The following PCDHA2 variants were observed in gnomAD, a reference collection of about 807,000 sequenced individuals.
PCDHA2 encodes the protein protocadherin alpha-2.
In PCDHA2, 58 loss-of-function variants were observed where a neutral mutation model predicts 66.0. That is an observed-to-expected ratio of 0.88 (90% CI 0.71 to 1.09). The LOEUF (loss-of-function observed/expected upper bound fraction) is 1.09, where lower values mean the gene tolerates loss of function less well. Among genes scored for constraint, PCDHA2 ranks in the 50% least tolerant of loss-of-function variants. The pLI, the probability that PCDHA2 is intolerant of heterozygous loss-of-function variation, is 0.00. For missense variants in PCDHA2, 1,267 were observed against 1,242.3 expected, an observed-to-expected ratio of 1.02 and a Z score of -0.30; for synonymous variants, 634 against 554.0, an observed-to-expected ratio of 1.14 and a Z score of -2.03.
At chr5:140,806,997 C>A in intron 1 of PCDHA2, 1 of 702,856 alleles carries the variant, frequency 1.4e-6, no homozygotes, top group Non-Finnish European at 2.3e-6. Context: ...CATGATGTCG[C>A]TCTTTACCAC....
intron 1 of PCDHA2, among the ~76,000 whole-genome samples, chr5:140,975,638 C>T (rs1256768090): frequency 6.6e-6 from 1 of 152,130 alleles, no homozygotes; most frequent in Non-Finnish European, 1.5e-5. Context: ...ACGAAGATAG[C>T]ATATTATTTC....
At position 140,796,793 on chromosome 5, in the gene PCDHA2, A is replaced by G; in HGVS notation, c.1829A>G (p.Glu610Gly). 1 of 1,614,078 alleles carries G rather than the reference A, an allele frequency of 6.2e-7. No homozygotes were observed. Among genetic ancestry groups the G allele is most frequent in the South Asian group, 1.1e-5 (1 of 91,084 alleles). The change falls in exon 1 of 4, where the codon GAG becomes GGG. Residue 610 changes from glutamate to glycine, a missense_variant. Physicochemically the swap from Glu to Gly is moderately conservative, Grantham distance 98. Coordinates refer to ENST00000526136, the MANE Select transcript of PCDHA2 (RefSeq NM_018905.3). ...GGCTACAACGCGTGGCTTTCGTACG[A>G]GCTTCAGCTGGGTACTGGCAGCGCT... The part of the protein sequence containing the change: ...DSGYNAWLSY[E>G]LQLGTGSARI...
intron 1 of PCDHA2, among the ~76,000 whole-genome samples, chr5:140,855,385 G>C (rs2043451354): frequency 6.7e-6 from 1 of 149,884 alleles, no homozygotes; most frequent in Non-Finnish European, 1.5e-5. Context: ...AATCTAAATG[G>C]AGAAATGTCT....
chr5:140,844,854 T>C (rs1315515801), intron 1 of PCDHA2, among the ~76,000 whole-genome samples: 10 of 149,524 alleles, frequency 6.7e-5, no homozygotes, highest in African/African-American at 2.4e-4. Context: ...CTGTTGGACC[T>C]GCCTGGATAT....
intron 1 of PCDHA2, among the ~76,000 whole-genome samples, chr5:140,976,713 T>TA (rs1554237898): frequency 6.6e-6 from 1 of 152,216 alleles, no homozygotes; most frequent in Admixed American, 6.5e-5. Flanking sequence ...CTTTGCATTA[T>TA]AGTTCATTTA....
At chr5:140,797,389 G>T in intron 1 of PCDHA2, 37 bp downstream of exon 1, 1 of 1,585,462 alleles carries the variant, frequency 6.3e-7, no homozygotes, top group Non-Finnish European at 8.6e-7. Flanking sequence ...TTCTAAAATT[G>T]TTCTTTTTAA....
In PCDHA2 at chr5:140,876,844, C is replaced by A. The variant is rs200154646; in HGVS notation, c.2388+79492C>A. ...CGACAATGCGCCTGCGTTCGCGCAGCCCGAGTACACAGTGTTCGTGAAGGA... is the reference window on the plus strand; with the variant it reads ...CGACAATGCGCCTGCGTTCGCGCAGACCGAGTACACAGTGTTCGTGAAGGA... On this transcript the variant is annotated intron_variant, in intron 1 of 3. Coordinates refer to ENST00000526136, the MANE Select transcript of PCDHA2 (RefSeq NM_018905.3). The A allele has an allele frequency of 3.6e-5, 58 of 1,614,134 alleles. No homozygotes were observed. In the East Asian group the frequency reaches 1.2e-3, roughly 32 times the overall value.
Position 141,012,307 on chromosome 5 carries a change from T to G in PCDHA2, c.*2370T>G, listed in dbSNP as rs369179929. ...CATTTTGAATTGGTGCTATTGGTAT[T>G]TCCTCTGTTATTGCTAATAAATGAA... On this transcript the variant is annotated 3_prime_UTR_variant, in exon 4 of 4. Transcript: ENST00000526136. 1 of 153,794 alleles carries G rather than the reference T, an allele frequency of 6.5e-6. No homozygotes were observed. The highest frequency in any genetic ancestry group is 1.5e-5 in the Non-Finnish European group (1 of 68,040). 9.5% of individuals were successfully genotyped at this position (153,794 alleles called of 1,614,324 possible).
chr5:140,966,845 C>T, intron 1 of PCDHA2: 2 of 1,570,442 alleles, frequency 1.3e-6, no homozygotes, highest in South Asian at 2.3e-5. Context: ...GCTGCTACTG[C>T]CTCTCCTGCT....
intron 1 of PCDHA2, among the ~76,000 whole-genome samples, chr5:140,894,725 G>A (rs3776121): frequency 0.31 from 47,403 of 151,506 alleles, 8,352 homozygotes; most frequent in East Asian, 0.53. Context: ...CAAATATTAC[G>A]TAGCAATTTG....
At chr5:140,802,355 C>T (rs781874120) in intron 1 of PCDHA2, 12 of 1,614,152 alleles carry the variant, frequency 7.4e-6, no homozygotes, top group Non-Finnish European at 1.0e-5. Context: ...GACAGGTCAC[C>T]TGCTCGCTGA....
At chr5:140,858,889 A>G (rs1265560651) in intron 1 of PCDHA2, 1 of 236,296 alleles carries the variant, frequency 4.2e-6, no homozygotes. Context: ...CATGTGTAGA[A>G]TATGTGTAGC....
intron 1 of PCDHA2, chr5:140,805,472 A>C: frequency 1.0e-6 from 1 of 1,002,384 alleles, no homozygotes; most frequent in Non-Finnish European, 1.2e-6. Context: ...TAGTTCTTCA[A>C]TAGAGAGGGA....
intron 1 of PCDHA2, among the ~76,000 whole-genome samples, chr5:140,886,602 C>T (rs1167539535): frequency 6.6e-6 from 1 of 151,756 alleles, no homozygotes; most frequent in Non-Finnish European, 1.5e-5. Flanking sequence ...CCAAGGTGGG[C>T]GGATCAGGAG....
intron 1 of PCDHA2, among the ~76,000 whole-genome samples, chr5:140,839,858 G>A (rs2150301292): frequency 6.6e-6 from 1 of 152,038 alleles, no homozygotes; most frequent in East Asian, 1.9e-4. Context: ...TACTTTTGAG[G>A]TGGACTTTGA....
chr5:140,882,178 C>A (rs2058992068), intron 1 of PCDHA2: 1 of 1,517,822 alleles, frequency 6.6e-7, no homozygotes, highest in Non-Finnish European at 8.8e-7. Flanking sequence ...TCCTTCCGCA[C>A]TAGGAAGCCA....
rs111528394 is a variant in PCDHA2 at position 140,995,338 on chromosome 5, C to T, written c.2536+12775C>T. Among the ~76,000 whole-genome samples the T allele has an allele frequency of 2.7e-4, 41 of 151,956 alleles. 1 individual carries two copies. Among genetic ancestry groups the T allele is most frequent in the Admixed American group, 6.6e-4 (10 of 15,254 alleles). On this transcript the variant is annotated intron_variant, in intron 3 of 3. Coordinates refer to ENST00000526136, the MANE Select transcript of PCDHA2 (RefSeq NM_018905.3). The stretch of plus-strand genomic sequence containing the variant: ...TGAACTAACAGGTGAGTAGTGTAGA[C>T]GGCATGGATAGGTCGGACAGAGGGA...
chr5:140,850,730 G>A lies in PCDHA2; in HGVS notation c.2388+53378G>A, dbSNP rs1439103901. The A allele has an allele frequency of 7.5e-6, 12 of 1,597,860 alleles. 2 individuals carry two copies. Among genetic ancestry groups the A allele is most frequent in the African/African-American group, 4.0e-5 (3 of 74,192 alleles). On this transcript the variant is annotated intron_variant, in intron 1 of 3. Transcript: ENST00000526136. The stretch of plus-strand genomic sequence containing the variant: ...CGACGCTGGTGTGTTCTAGCGCGGT[G>A]GGGAGTTGGTCGTACTCGCAGCAGA...
At chr5:140,798,607 T>C (rs782699606) in intron 1 of PCDHA2, among the ~76,000 whole-genome samples, 7 of 152,202 alleles carry the variant, frequency 4.6e-5, no homozygotes, top group Non-Finnish European at 8.8e-5. Flanking sequence ...TCTAATTCTA[T>C]GCGTGGGAAT....
Sources: gnomAD v4.1 joint callset for allele counts (sites outside exome capture counted in the v4.1 genomes callset) on GRCh38, gnomAD v4.1.1 for gene constraint, MANE v1.5 for transcripts, NCBI Gene and HGNC (gene_info 2026-07-23, HGNC 2026-07-21) for gene names.